The following MINAR1 variants were observed in gnomAD, a reference collection of about 807,000 sequenced individuals.
MINAR1 encodes the protein major intrinsically disordered Notch2-binding receptor 1.
Under a neutral mutation model 65.1 loss-of-function variants are expected in MINAR1, and 40 were observed. The ratio of observed to expected loss-of-function variants is 0.61; its 90% CI spans 0.48 to 0.80. The LOEUF is 0.80. Ranked by LOEUF, MINAR1 falls within the 30% of genes least tolerant of loss-of-function variation. The probability of loss-of-function intolerance (pLI) is 0.00; values close to 1 mark genes in which losing one functional copy is unlikely to be tolerated. For synonymous variants in MINAR1, 482 were observed against 449.1 expected (o/e 1.07, Z -0.93); for missense variants, 1,128 against 1,148.0 (o/e 0.98, Z 0.25).
chr15:79,450,710 A>T (rs1329824993), intron 1 of MINAR1, among the ~76,000 whole-genome samples: 1 of 152,224 alleles, frequency 6.6e-6, no homozygotes, highest in South Asian at 2.1e-4. Context: ...AAATAAGTTG[A>T]AAATGTAAAA....
intron 1 of MINAR1, among the ~76,000 whole-genome samples, chr15:79,454,612 T>C (rs565678788): frequency 6.6e-6 from 1 of 152,334 alleles, no homozygotes; most frequent in Non-Finnish European, 1.5e-5. Flanking sequence ...TTTGGTATTT[T>C]TAATTTTACC....
the MINAR1 span, chr15:79,425,669 T>G: frequency 3.9e-5 from 6 of 151,932 alleles, no homozygotes; most frequent in African/African-American, 9.7e-5. Flanking sequence ...AGCATTGGAG[T>G]GGCAAAGGTC....
intron 2 of MINAR1, 73 bp downstream of exon 2, chr15:79,458,518 C>T (rs1250686152): frequency 6.5e-7 from 1 of 1,529,908 alleles, no homozygotes; most frequent in Admixed American, 2.0e-5. Flanking sequence ...AAGCCTTGAA[C>T]ATGGCGTTAA....
At chr15:79,455,527 C>G (rs564680557) in intron 1 of MINAR1, among the ~76,000 whole-genome samples, 5 of 152,148 alleles carry the variant, frequency 3.3e-5, no homozygotes, top group Non-Finnish European at 7.3e-5. Context: ...TTTAGGAAAA[C>G]TTCTCTGTGC....
chr15:79,462,614 ATCTTTTACTCATCTGTACCC>A (rs1895688212), intron 2 of MINAR1, among the ~76,000 whole-genome samples: 1 of 152,170 alleles, frequency 6.6e-6, no homozygotes, highest in Non-Finnish European at 1.5e-5. Context: ...AAGGACCCGT[ATCTTTTACTCATCTGTACCC>A]CGTGCAAAAT....
chr15:79,463,761 G>GT, intron 3 of MINAR1: 1 of 458,258 alleles, frequency 2.2e-6, no homozygotes, highest in Non-Finnish European at 4.4e-6. Flanking sequence ...GCAGCCCCAG[G>GT]TAAGAGCCAT....
In MINAR1 at chr15:79,469,519, G is replaced by C. The variant is rs1203190096; in HGVS notation, c.*1135G>C. 5 of 152,356 alleles carry C rather than the reference G, an allele frequency of 3.3e-5. No homozygotes were observed. Among genetic ancestry groups the C allele is most frequent in the Non-Finnish European group, 7.4e-5 (5 of 68,012 alleles). The allele number at this position is 152,356 out of a possible 1,614,324, so 9.4% of individuals were successfully genotyped here. On this transcript the variant is annotated 3_prime_UTR_variant, in exon 4 of 4. Coordinates refer to ENST00000305428, the MANE Select transcript of MINAR1 (RefSeq NM_015206.3). ...GTCAGCAGTGCAAAAAATATTATCTGTTTAACCACTTATCTATATGTCTAT... is the reference window on the plus strand; with the variant it reads ...GTCAGCAGTGCAAAAAATATTATCTCTTTAACCACTTATCTATATGTCTAT...
intron 2 of MINAR1, 23 bp from the exon 3 acceptor site, chr15:79,463,044 G>A: frequency 6.3e-7 from 1 of 1,596,872 alleles, no homozygotes; most frequent in Non-Finnish European, 8.6e-7. Context: ...CACTTGTCTG[G>A]ACTTCTTTGT....
the MINAR1 span, chr15:79,415,741 G>A: frequency 6.6e-6 from 1 of 152,272 alleles, no homozygotes; most frequent in Admixed American, 6.5e-5. Context: ...ACGTCTGAGT[G>A]TGTCAAAGCC....
chr15:79,439,274 G>A (rs188693744), intron 1 of MINAR1, among the ~76,000 whole-genome samples: 5 of 131,296 alleles, frequency 3.8e-5, no homozygotes, highest in African/African-American at 1.6e-4. Context: ...TGTGGGGTGT[G>A]GGGTGGATAG....
chr15:79,419,472 A>G, the MINAR1 span: 1 of 152,192 alleles, frequency 6.6e-6, no homozygotes, highest in Admixed American at 6.5e-5. Flanking sequence ...GGTGTCCCCC[A>G]GCATGCCCTC....
chr15:79,455,940 G>T (rs184876468), intron 1 of MINAR1, among the ~76,000 whole-genome samples, 158 bp from the exon 2 acceptor site: 1 of 152,120 alleles, frequency 6.6e-6, no homozygotes, highest in Non-Finnish European at 1.5e-5. Flanking sequence ...TTACTAAATC[G>T]AATGTTATGA....
In MINAR1 at chr15:79,458,280, C is replaced by G. The variant is rs754272324; in HGVS notation, c.2133C>G (p.Ser711=). 2.0e-4 allele frequency: 323 copies of G among 1,613,982 alleles called. No homozygotes were observed. The highest frequency in any genetic ancestry group is 2.5e-4 in the Non-Finnish European group (300 of 1,180,036). ...KSLFTRPSSR[S]LTEENSATES... ...TCTTCACCAGGCCATCCTCTAGGTC[C>G]CTAACAGAGGAGAACAGTGCCACAG... The change falls in exon 2 of 4, where the codon TCC becomes TCG. Residue 711 remains serine, a synonymous_variant. Transcript: ENST00000305428.
intron 3 of MINAR1, among the ~76,000 whole-genome samples, chr15:79,465,896 A>AG (rs1047297096): frequency 2.0e-5 from 3 of 152,008 alleles, no homozygotes; most frequent in African/African-American, 7.2e-5. Context: ...TTTCATGCCA[A>AG]GGAGAGCAGA....
At chr15:79,465,655 A>T (rs575873220) in intron 3 of MINAR1, among the ~76,000 whole-genome samples, 1 of 152,242 alleles carries the variant, frequency 6.6e-6, no homozygotes, top group Admixed American at 6.5e-5. Context: ...CTGATGTGTC[A>T]TTTAGACACT....
At chr15:79,425,695 G>A in the MINAR1 span, 1 of 152,166 alleles carries the variant, frequency 6.6e-6, no homozygotes, top group Non-Finnish European at 1.5e-5. Context: ...GAAACATATG[G>A]TGTAGCCTCT....
At chr15:79,453,828 G>T (rs142281270) in intron 1 of MINAR1, among the ~76,000 whole-genome samples, 1 of 152,190 alleles carries the variant, frequency 6.6e-6, no homozygotes, top group Admixed American at 6.5e-5. Context: ...TTTGACCTGG[G>T]ATTTCCTTTG....
Position 79,468,530 on chromosome 15 carries a change from C to T in MINAR1, c.*146C>T, listed in dbSNP as rs749076826. 4.4e-5 allele frequency: 32 copies of T among 726,720 alleles called. No individual in the cohort carries two copies. The highest frequency in any genetic ancestry group is 7.1e-5 in the Non-Finnish European group (32 of 448,118). The allele number at this position is 726,720 out of a possible 1,614,324, so 45.0% of individuals were successfully genotyped here. On this transcript the variant is annotated 3_prime_UTR_variant, in exon 4 of 4. Coordinates refer to ENST00000305428, the MANE Select transcript of MINAR1 (RefSeq NM_015206.3). ...ACAAATGTTGAATGAAGGTGGTTTT[C>T]AGAAAGTATACATTCTAGTGAGAAA...
chr15:79,456,473 G>A lies in MINAR1; in HGVS notation c.326G>A (p.Arg109His), dbSNP rs779048416. The A allele has an allele frequency of 1.2e-5, 20 of 1,613,888 alleles. No individual in the cohort carries two copies. Among genetic ancestry groups the A allele is most frequent in the African/African-American group, 5.3e-5 (4 of 74,924 alleles). The change falls in exon 2 of 4, where the codon CGC becomes CAC. Residue 109 changes from arginine to histidine, a missense_variant. By Grantham distance (29) the Arg-to-His change is conservative (BLOSUM62 0). Coordinates refer to ENST00000305428, the MANE Select transcript of MINAR1 (RefSeq NM_015206.3). ...GAAKEKLPTG[R>H]QKVRKKEASF... ...GCCAAGGAGAAGCTGCCCACGGGCC[G>A]CCAGAAGGTACGCAAGAAGGAGGCA...
Sources: gnomAD v4.1 joint callset for allele counts (sites outside exome capture counted in the v4.1 genomes callset) on GRCh38, gnomAD v4.1.1 for gene constraint, MANE v1.5 for transcripts, NCBI Gene and HGNC (gene_info 2026-07-23, HGNC 2026-07-21) for gene names.